The following GRIK2 variants were observed in gnomAD, a reference collection of about 807,000 sequenced individuals.
The protein encoded by GRIK2 is glutamate receptor ionotropic, kainate 2.
In GRIK2, 32 loss-of-function variants were observed where a neutral mutation model predicts 100.3. That is an observed-to-expected ratio of 0.32 (90% CI 0.24 to 0.43). The LOEUF is 0.43. Ranked by LOEUF, GRIK2 falls within the 20% of genes least tolerant of loss-of-function variation. GRIK2 has a pLI of 1.00. For missense variants in GRIK2, 843 were observed against 1,114.9 expected (o/e 0.76, Z 3.47); for synonymous variants, 417 against 389.4 (o/e 1.07, Z -0.83).
chr6:101,803,969 G>A (rs1780828787), intron 9 of GRIK2, among the ~76,000 whole-genome samples: 2 of 151,784 alleles, frequency 1.3e-5, no homozygotes, highest in Non-Finnish European at 2.9e-5. Flanking sequence ...TCTAAAATCT[G>A]AAAATTCATT....
At chr6:101,802,074 C>T (rs1780706582) in intron 8 of GRIK2, among the ~76,000 whole-genome samples, 1 of 151,742 alleles carries the variant, frequency 6.6e-6, no homozygotes. Flanking sequence ...CATAATAATA[C>T]AATGTCTCCT....
chr6:101,598,812 G>A (rs1779056428), intron 2 of GRIK2, among the ~76,000 whole-genome samples: 1 of 151,210 alleles, frequency 6.6e-6, no homozygotes, highest in Non-Finnish European at 1.5e-5. Flanking sequence ...TCCTCATTTT[G>A]GTCAGTTAAT....
At chr6:102,043,594 T>C (rs989845808) in intron 15 of GRIK2, among the ~76,000 whole-genome samples, 1 of 151,986 alleles carries the variant, frequency 6.6e-6, no homozygotes. Flanking sequence ...AATTTCATTA[T>C]TTTTTAGGGC....
intron 2 of GRIK2, among the ~76,000 whole-genome samples, chr6:101,476,267 C>T (rs2249263): frequency 0.26 from 39,290 of 152,008 alleles, 5,836 homozygotes; most frequent in East Asian, 0.36. Flanking sequence ...TGTCTTCACA[C>T]ATCTTCCCTA....
rs534732023 is a variant in GRIK2 at position 101,517,250 on chromosome 6, A to T, written c.116-104699A>T. 2.0e-5 allele frequency among the ~76,000 whole-genome samples: 3 copies of T among 152,264 alleles called. No homozygotes were observed. The East Asian group carries it at 5.8e-4, about 29-fold the overall frequency. ...AGGCTTAAAACCAGGCCACCTCTGA[A>T]CCTGAAACCCAGACTTGTCACTTAC... On this transcript the variant is annotated intron_variant, in intron 2 of 16. Transcript: ENST00000369134.
intron 5 of GRIK2, among the ~76,000 whole-genome samples, chr6:101,678,767 A>G (rs1238603101): frequency 6.6e-6 from 1 of 152,246 alleles, no homozygotes; most frequent in Non-Finnish European, 1.5e-5. Context: ...GGCTTCATCC[A>G]AGAATGAATA....
chr6:101,601,876 A>G (rs1225109538), intron 2 of GRIK2, among the ~76,000 whole-genome samples: 7 of 151,662 alleles, frequency 4.6e-5, no homozygotes, highest in South Asian at 2.1e-4. Flanking sequence ...CTTTCAAGGG[A>G]CCAAATTTTA....
At chr6:102,004,725 C>G (rs1340477960) in intron 14 of GRIK2, among the ~76,000 whole-genome samples, 1 of 151,890 alleles carries the variant, frequency 6.6e-6, no homozygotes, top group Non-Finnish European at 1.5e-5. Flanking sequence ...CAAAGATCAG[C>G]TAATGTTATT....
intron 5 of GRIK2, among the ~76,000 whole-genome samples, chr6:101,681,690 G>C (rs745479621): frequency 6.6e-6 from 1 of 151,926 alleles, no homozygotes; most frequent in Non-Finnish European, 1.5e-5. Flanking sequence ...TCTATATGCA[G>C]AATGTAGTTG....
At chr6:101,903,789 A>AC (rs1582497948) in intron 12 of GRIK2, among the ~76,000 whole-genome samples, 1 of 151,204 alleles carries the variant, frequency 6.6e-6, no homozygotes, top group African/African-American at 2.4e-5. Flanking sequence ...TGGAGCAAAA[A>AC]AAAAAATAAT....
At chr6:101,718,089 T>A (rs34547109) in intron 7 of GRIK2, among the ~76,000 whole-genome samples, 2 of 151,846 alleles carry the variant, frequency 1.3e-5, no homozygotes, top group Admixed American at 1.3e-4. Flanking sequence ...ATTTACAATG[T>A]TTATTTTTAT....
intron 9 of GRIK2, among the ~76,000 whole-genome samples, chr6:101,816,919 C>G (rs1329971660): frequency 6.6e-6 from 1 of 151,974 alleles, no homozygotes; most frequent in Non-Finnish European, 1.5e-5. Flanking sequence ...GGATTGTGGC[C>G]CCTCCTTTCT....
intron 11 of GRIK2, among the ~76,000 whole-genome samples, chr6:101,871,145 G>A (rs947251613): frequency 2.6e-5 from 4 of 151,748 alleles, no homozygotes; most frequent in African/African-American, 9.7e-5. Context: ...AAAGATTTTA[G>A]CATCAGCATG....
At chr6:101,987,301 G>T (rs1794068708) in intron 14 of GRIK2, among the ~76,000 whole-genome samples, 1 of 151,702 alleles carries the variant, frequency 6.6e-6, no homozygotes, top group Non-Finnish European at 1.5e-5. Context: ...TTTTACATTG[G>T]TTCTTTAGAA....
chr6:102,036,736 C>T (rs1770294365), intron 15 of GRIK2, among the ~76,000 whole-genome samples: 1 of 151,238 alleles, frequency 6.6e-6, no homozygotes. Flanking sequence ...TTTAGGACTT[C>T]TGACATATAG....
At chr6:101,586,549 C>T (rs192838201) in intron 2 of GRIK2, among the ~76,000 whole-genome samples, 79 of 152,024 alleles carry the variant, frequency 5.2e-4, no homozygotes, top group African/African-American at 1.7e-3. Flanking sequence ...CCAACTCCCT[C>T]TCCACCCTGC....
intron 2 of GRIK2, among the ~76,000 whole-genome samples, chr6:101,471,425 C>G (rs948989362): frequency 2.6e-5 from 4 of 152,050 alleles, no homozygotes; most frequent in African/African-American, 4.8e-5. Context: ...GTGTCTATAA[C>G]TTTCATGCAG....
chr6:101,531,845 C>A (rs1775458844), intron 2 of GRIK2, among the ~76,000 whole-genome samples: 1 of 151,710 alleles, frequency 6.6e-6, no homozygotes, highest in Non-Finnish European at 1.5e-5. Context: ...TCCTGAACAT[C>A]TCACAAGTGG....
At chr6:101,789,368 G>T (rs1779666315) in intron 7 of GRIK2, among the ~76,000 whole-genome samples, 2 of 152,114 alleles carry the variant, frequency 1.3e-5, no homozygotes, top group South Asian at 4.1e-4. Flanking sequence ...AATCCATCTT[G>T]AATTAATTTT....
Sources: allele counts gnomAD v4.1 joint callset (sites outside exome capture counted in the v4.1 genomes callset), GRCh38; gene constraint gnomAD v4.1.1; transcripts MANE v1.5; gene names NCBI Gene and HGNC (gene_info 2026-07-23, HGNC 2026-07-21).